MACROD1: variants seen among roughly 807,000 people sequenced by gnomAD.
MACROD1 encodes the protein ADP-ribose glycohydrolase MACROD1.
In MACROD1, 31 loss-of-function variants were observed where a neutral mutation model predicts 41.4. The ratio of observed to expected loss-of-function variants is 0.75; its 90% CI spans 0.56 to 1.01. MACROD1 has a LOEUF of 1.01. Among genes scored for constraint, MACROD1 ranks in the 50% least tolerant of loss-of-function variants. MACROD1 has a pLI of 0.00. For missense variants in MACROD1, 473 were observed against 460.0 expected (o/e 1.03, Z -0.26); for synonymous variants, 252 against 203.4 (o/e 1.24, Z -2.03).
intron 3 of MACROD1, among the ~76,000 whole-genome samples, chr11:64,059,777 C>T (rs2701549): frequency 0.03 from 4,507 of 152,306 alleles, 218 homozygotes; most frequent in African/African-American, 0.1. Flanking sequence ...ATTCCCTCTC[C>T]TGAGTTTCTC....
chr11:64,046,779 G>A (rs749551058), intron 3 of MACROD1, among the ~76,000 whole-genome samples: 5 of 152,152 alleles, frequency 3.3e-5, no homozygotes, highest in Non-Finnish European at 5.9e-5. Context: ...GATTACAGGC[G>A]TGAGCCGCTG....
At chr11:64,034,542 ACAGAGGC>A (rs1377337351) in intron 3 of MACROD1, among the ~76,000 whole-genome samples, 1 of 152,244 alleles carries the variant, frequency 6.6e-6, no homozygotes, top group Admixed American at 6.5e-5. Context: ...TGCAGAGCGC[ACAGAGGC>A]CAGAGGCGGC....
At chr11:64,117,280 G>A in intron 3 of MACROD1, 1 of 1,614,186 alleles carries the variant, frequency 6.2e-7, no homozygotes, top group Non-Finnish European at 8.5e-7. Context: ...AACCTCATGT[G>A]GCTGCGGGAC....
chr11:64,154,614 T>TC (rs1945638577), intron 1 of MACROD1, among the ~76,000 whole-genome samples: 1 of 152,166 alleles, frequency 6.6e-6, no homozygotes, highest in Admixed American at 6.5e-5. Context: ...CAATGCTGCC[T>TC]CCCCCACTAC....
At chr11:64,076,532 C>T (rs1944205438) in intron 3 of MACROD1, among the ~76,000 whole-genome samples, 1 of 152,154 alleles carries the variant, frequency 6.6e-6, no homozygotes, top group Non-Finnish European at 1.5e-5. Flanking sequence ...GCACTGGGGT[C>T]TGGAGACATA....
At chr11:64,076,571 A>G (rs1025001163) in intron 3 of MACROD1, among the ~76,000 whole-genome samples, 1 of 152,134 alleles carries the variant, frequency 6.6e-6, no homozygotes, top group Non-Finnish European at 1.5e-5. Flanking sequence ...CGGCCAGAGA[A>G]CTTAGTCATC....
chr11:64,131,089 T>C (rs1266917191), intron 3 of MACROD1, among the ~76,000 whole-genome samples: 18 of 152,330 alleles, frequency 1.2e-4, no homozygotes, highest in Non-Finnish European at 4.4e-5. Flanking sequence ...TTTTTATTCT[T>C]GTGATGCAGG....
chr11:64,109,147 G>C (rs1203171875), intron 3 of MACROD1, among the ~76,000 whole-genome samples: 1 of 152,132 alleles, frequency 6.6e-6, no homozygotes, highest in African/African-American at 2.4e-5. Flanking sequence ...GCCAGACAGG[G>C]ATGGGGGGCT....
chr11:64,080,202 G>A (rs977687890), intron 3 of MACROD1, among the ~76,000 whole-genome samples: 26 of 152,202 alleles, frequency 1.7e-4, no homozygotes, highest in African/African-American at 5.5e-4. Flanking sequence ...TAGTAGAGAC[G>A]GGGTATCAAC....
At chr11:64,025,783 G>C (rs564462767) in intron 3 of MACROD1, among the ~76,000 whole-genome samples, 1 of 151,412 alleles carries the variant, frequency 6.6e-6, no homozygotes, top group South Asian at 2.1e-4. Context: ...GCAATGGTGG[G>C]ATCATAGCTC....
chr11:64,165,390 T>C (rs1229424803), intron 1 of MACROD1, among the ~76,000 whole-genome samples: 1 of 152,178 alleles, frequency 6.6e-6, no homozygotes, highest in Non-Finnish European at 1.5e-5. Context: ...AGTTGGTAGG[T>C]CCTGCACAAT....
chr11:64,005,047 T>TTTATTTATTTATTTATTTAC (rs1942888219), intron 4 of MACROD1, among the ~76,000 whole-genome samples: 1 of 152,248 alleles, frequency 6.6e-6, no homozygotes, highest in East Asian at 1.9e-4. Context: ...TATTTATTTA[T>TTTATTTATTTATTTATTTAC]TGAGACAGTT....
At chr11:64,094,654 T>G (rs529605078) in intron 3 of MACROD1, among the ~76,000 whole-genome samples, 10 of 152,290 alleles carry the variant, frequency 6.6e-5, no homozygotes, top group African/African-American at 1.9e-4. Context: ...AGGCTCAGTG[T>G]GTGGCTGCTG....
At chr11:64,057,862 G>A (rs1461855812) in intron 3 of MACROD1, among the ~76,000 whole-genome samples, 3 of 152,222 alleles carry the variant, frequency 2.0e-5, no homozygotes, top group African/African-American at 4.8e-5. Context: ...TGTGGAAACC[G>A]AGGCACGAAT....
At chr11:64,074,628 C>T (rs1944169152) in intron 3 of MACROD1, among the ~76,000 whole-genome samples, 1 of 152,218 alleles carries the variant, frequency 6.6e-6, no homozygotes, top group Non-Finnish European at 1.5e-5. Flanking sequence ...TGGGCTTTCC[C>T]CAAGGGGGGC....
intron 3 of MACROD1, among the ~76,000 whole-genome samples, chr11:64,139,496 T>C (rs1408418713): frequency 4.6e-5 from 7 of 152,126 alleles, no homozygotes; most frequent in Admixed American, 3.9e-4. Flanking sequence ...CCAGAGTCCA[T>C]GGAGCTGCCC....
At chr11:64,046,703 T>C (rs1010600948) in intron 3 of MACROD1, among the ~76,000 whole-genome samples, 7 of 152,200 alleles carry the variant, frequency 4.6e-5, no homozygotes, top group Non-Finnish European at 8.8e-5. Context: ...TTCACCATGT[T>C]GGTCAGGCTG....
rs369273580 is a variant in MACROD1 at position 64,128,605 on chromosome 11, T to C, written c.517+22634A>G. Reference sequence around the variant, plus strand: ...TTCTGCGCCCCACTCAGGAAGGCCCTGTGTCCCCCCATCTCCCCGTTGCCC... The same window carrying C: ...TTCTGCGCCCCACTCAGGAAGGCCCCGTGTCCCCCCATCTCCCCGTTGCCC... On this transcript the variant is annotated intron_variant, in intron 3 of 10. Coordinates refer to ENST00000255681, the MANE Select transcript of MACROD1 (RefSeq NM_014067.4). 1.4e-3 allele frequency among the ~76,000 whole-genome samples: 213 copies of C among 151,832 alleles called. 4 individuals carry two copies. The South Asian group carries it at 0.043, about 31-fold the overall frequency.
At chr11:64,154,067 C>T (rs2134712866) in intron 1 of MACROD1, among the ~76,000 whole-genome samples, 1 of 152,320 alleles carries the variant, frequency 6.6e-6, no homozygotes, top group East Asian at 1.9e-4. Context: ...GCGGCCCCTC[C>T]TGCCTTCCCT....
Sources: allele counts gnomAD v4.1 joint callset (sites outside exome capture counted in the v4.1 genomes callset), GRCh38; gene constraint gnomAD v4.1.1; transcripts MANE v1.5; gene names NCBI Gene and HGNC (gene_info 2026-07-23, HGNC 2026-07-21).